COL13A1: variants seen among roughly 807,000 people sequenced by gnomAD.
COL13A1 encodes collagen type XIII alpha 1 chain, also known as collagen alpha-1(XIII) chain.
COL13A1 carries 89 observed loss-of-function variants against 130.9 expected under a neutral mutation model. The ratio of observed to expected loss-of-function variants is 0.68; its 90% CI spans 0.57 to 0.81. COL13A1 has a LOEUF of 0.81. COL13A1 is among the 30% of genes least tolerant of loss of function. The probability of loss-of-function intolerance (pLI) is 0.00; values close to 1 mark genes in which losing one functional copy is unlikely to be tolerated. For synonymous variants in COL13A1, 402 were observed against 341.6 expected, an observed-to-expected ratio of 1.18 and a Z score of -1.95; for missense variants, 879 against 934.6, an observed-to-expected ratio of 0.94 and a Z score of 0.78.
intron 37 of COL13A1, 143 bp from the exon 38 acceptor site, chr10:69,947,164 T>C: frequency 2.7e-6 from 2 of 729,280 alleles, no homozygotes; most frequent in Non-Finnish European, 4.7e-6. Flanking sequence ...TGCTTCTCTG[T>C]CCCCTTTCCG....
At chr10:69,929,031 C>G in intron 28 of COL13A1, 32 bp downstream of exon 28, 1 of 1,584,396 alleles carries the variant, frequency 6.3e-7, no homozygotes, top group Non-Finnish European at 8.7e-7. Context: ...GGGGTGAAGA[C>G]TTTGCAAGGG....
chr10:69,841,615 A>G (rs778040731), intron 2 of COL13A1, among the ~76,000 whole-genome samples: 7 of 152,228 alleles, frequency 4.6e-5, no homozygotes, highest in Non-Finnish European at 8.8e-5. Flanking sequence ...CGGTTCAGTC[A>G]GGGAGGCAGC....
At chr10:69,804,849 A>G (rs1416052566) in intron 1 of COL13A1, among the ~76,000 whole-genome samples, 7 of 133,274 alleles carry the variant, frequency 5.3e-5, no homozygotes, top group South Asian at 2.4e-4. Context: ...AAAAGCTACA[A>G]TAGTGAAAAA....
chr10:69,818,840 T>C (rs967167536), intron 1 of COL13A1, among the ~76,000 whole-genome samples: 1 of 152,236 alleles, frequency 6.6e-6, no homozygotes, highest in African/African-American at 2.4e-5. Flanking sequence ...AGGACACTGT[T>C]CTTTCCTGAG....
intron 2 of COL13A1, among the ~76,000 whole-genome samples, chr10:69,845,667 T>TAA (rs1290663601): frequency 6.6e-6 from 1 of 152,152 alleles, no homozygotes; most frequent in Non-Finnish European, 1.5e-5. Context: ...TCCCACAAGG[T>TAA]CCCTGCATCC....
intron 10 of COL13A1, among the ~76,000 whole-genome samples, chr10:69,891,306 CTT>C (rs1464986165): frequency 6.6e-6 from 1 of 152,180 alleles, no homozygotes; most frequent in Non-Finnish European, 1.5e-5. Context: ...GAGAAAGAGA[CTT>C]TTGAACTAGT....
intron 1 of COL13A1, among the ~76,000 whole-genome samples, chr10:69,821,689 T>G (rs1846111919): frequency 6.6e-6 from 1 of 152,196 alleles, no homozygotes; most frequent in Non-Finnish European, 1.5e-5. Context: ...CACATTGCCC[T>G]GTGCAGTGTA....
At chr10:69,877,818 C>T (rs1379105498) in intron 5 of COL13A1, among the ~76,000 whole-genome samples, 6 of 152,086 alleles carry the variant, frequency 3.9e-5, no homozygotes, top group Non-Finnish European at 8.8e-5. Flanking sequence ...CTGCACATTG[C>T]AGCAGCGCCT....
chr10:69,874,236 A>G (rs2763359), intron 4 of COL13A1, among the ~76,000 whole-genome samples: 105,944 of 152,094 alleles, frequency 0.7, 39,066 homozygotes, highest in East Asian at 0.94. Context: ...TCCTCAAGGC[A>G]TTGTGCCTCA....
intron 17 of COL13A1, among the ~76,000 whole-genome samples, chr10:69,908,124 C>A (rs1355310055): frequency 2.0e-5 from 3 of 152,074 alleles, no homozygotes; most frequent in Admixed American, 1.3e-4. Flanking sequence ...GCTGCTAGAG[C>A]CTTCCAGGAG....
chr10:69,809,309 C>T (rs1007566216), intron 1 of COL13A1, among the ~76,000 whole-genome samples: 4 of 152,180 alleles, frequency 2.6e-5, no homozygotes, highest in African/African-American at 7.2e-5. Context: ...TAATATGGGG[C>T]TTCATGCACC....
intron 38 of COL13A1, among the ~76,000 whole-genome samples, chr10:69,950,219 CTTTGCCCCTTGACTTTA>C (rs1470312197): frequency 1.3e-5 from 2 of 152,106 alleles, no homozygotes; most frequent in Non-Finnish European, 2.9e-5. Context: ...TTTAAGAAGC[CTTTGCCCCTTGACTTTA>C]TTTGCCCCTT....
intron 19 of COL13A1, 42 bp from the exon 20 acceptor site, chr10:69,919,020 G>A: frequency 6.2e-7 from 1 of 1,613,720 alleles, no homozygotes; most frequent in Non-Finnish European, 8.5e-7. Flanking sequence ...ATTTGTTTCT[G>A]CTTTTTCTGT....
At chr10:69,847,041 C>T (rs1478667014) in intron 2 of COL13A1, among the ~76,000 whole-genome samples, 1 of 152,232 alleles carries the variant, frequency 6.6e-6, no homozygotes, top group Non-Finnish European at 1.5e-5. Context: ...TTTCTTGACC[C>T]TCGCCTGCTT....
chr10:69,904,488 C>A (rs2062529715), intron 15 of COL13A1, among the ~76,000 whole-genome samples: 1 of 152,152 alleles, frequency 6.6e-6, no homozygotes, highest in South Asian at 2.1e-4. Context: ...AGCTGCCATG[C>A]CCACAGCACC....
intron 2 of COL13A1, among the ~76,000 whole-genome samples, chr10:69,867,515 T>C (rs1219957245): frequency 6.6e-6 from 1 of 152,094 alleles, no homozygotes; most frequent in Non-Finnish European, 1.5e-5. Context: ...TAGAGCCCGT[T>C]TTGTGGGGTG....
chr10:69,854,976 G>A (rs1855993866), intron 2 of COL13A1, among the ~76,000 whole-genome samples: 1 of 152,138 alleles, frequency 6.6e-6, no homozygotes, highest in African/African-American at 2.4e-5. Context: ...CTGTGTGCTG[G>A]TGTGGAAAGA....
chr10:69,893,259 G>C (rs1193970345), intron 10 of COL13A1, among the ~76,000 whole-genome samples: 1 of 152,250 alleles, frequency 6.6e-6, no homozygotes, highest in African/African-American at 2.4e-5. Flanking sequence ...GGCAGAGGTG[G>C]GAGGACTGCC....
chr10:69,883,764 C>G (rs2134411419), intron 7 of COL13A1, among the ~76,000 whole-genome samples: 1 of 152,254 alleles, frequency 6.6e-6, no homozygotes, highest in East Asian at 1.9e-4. Context: ...GTGTGAAGAG[C>G]CTGTAGGTTG....
Sources: allele counts gnomAD v4.1 joint callset (sites outside exome capture counted in the v4.1 genomes callset), GRCh38; gene constraint gnomAD v4.1.1; transcripts MANE v1.5; gene names NCBI Gene and HGNC (gene_info 2026-07-23, HGNC 2026-07-21).